The following PRAG1 variants were observed in gnomAD, a reference collection of about 807,000 sequenced individuals.
PRAG1 encodes inactive tyrosine-protein kinase PRAG1.
Under a neutral mutation model 95.6 loss-of-function variants are expected in PRAG1, and 110 were observed. The observed-to-expected ratio is 1.15, with a 90% CI of 0.99 to 1.35. The LOEUF is 1.35. PRAG1 is among the 40% of genes most tolerant of loss of function. PRAG1 has a pLI of 0.00. For synonymous variants in PRAG1, 1,052 were observed against 819.4 expected (o/e 1.28, Z -4.85); for missense variants, 2,554 against 1,864.7 (o/e 1.37, Z -6.81).
chr8:8,361,066 A>G (rs890101971), intron 3 of PRAG1, among the ~76,000 whole-genome samples: 6 of 152,200 alleles, frequency 3.9e-5, no homozygotes, highest in African/African-American at 1.4e-4. Context: ...AAAGTGATCA[A>G]TTTGATCTGA....
intron 4 of PRAG1, among the ~76,000 whole-genome samples, chr8:8,328,773 T>TGC (rs1048359242): frequency 5.3e-5 from 8 of 149,938 alleles, no homozygotes; most frequent in Admixed American, 1.3e-4. Flanking sequence ...CCTGCACGCG[T>TGC]GCGCACACAC....
chr8:8,320,252 C>A (rs755463699), intron 5 of PRAG1, among the ~76,000 whole-genome samples: 1 of 152,162 alleles, frequency 6.6e-6, no homozygotes, highest in African/African-American at 2.4e-5. Flanking sequence ...AACCAGAAAG[C>A]TCTCCAAGGA....
chr8:8,322,221 C>T (rs1798493573), intron 5 of PRAG1, among the ~76,000 whole-genome samples: 1 of 152,088 alleles, frequency 6.6e-6, no homozygotes, highest in African/African-American at 2.4e-5. Flanking sequence ...CTCTCTGTCG[C>T]CCAGGCTGGA....
chr8:8,328,799 C>A (rs1381770952), intron 4 of PRAG1, among the ~76,000 whole-genome samples: 1 of 151,580 alleles, frequency 6.6e-6, no homozygotes, highest in Non-Finnish European at 1.5e-5. Context: ...CACACACACA[C>A]AAATTACATA....
rs375434740 is a variant in PRAG1 at position 8,327,764 on chromosome 8, G to C, written c.3018C>G (p.Ala1006=). Residue 1006 remains alanine, a synonymous_variant, in exon 5 of 6, where the codon GCC becomes GCG. Transcript: ENST00000615670. ...CAGAGCAGGTGGCACAGTAATAAAT[G>C]GCATCCCCCGAGTCACAGCAGGGCT... ...CNKPCCDSGD[A]IYYCATCSED... is the part of the protein sequence containing the mutation. 78 of 1,614,190 alleles carry C rather than the reference G, an allele frequency of 4.8e-5. No individual in the cohort carries two copies. In the African/African-American group the frequency reaches 8.5e-4, roughly 18 times the overall value.
intron 1 of PRAG1, 139 bp from the exon 2 acceptor site, chr8:8,381,973 C>A (rs1459021186): frequency 8.4e-6 from 4 of 476,226 alleles, no homozygotes; most frequent in African/African-American, 3.9e-5. Context: ...TTTTGGGACC[C>A]TCGCCCATTT....
At position 8,318,099 on chromosome 8, in the gene PRAG1, G is replaced by C. The variant is rs190667766; in HGVS notation, c.*55C>G. On this transcript the variant is annotated 3_prime_UTR_variant, in exon 6 of 6. Coordinates refer to ENST00000615670, the MANE Select transcript of PRAG1 (RefSeq NM_001080826.3). This position sits in a 1 kb window ranked among gnomAD's most constrained non-coding sequence, Gnocchi z 4.2. ...GGAGACATGGGTGCTTCCAAGGCGA[G>C]ACAGGAAAGGGTTAGGCAGGGAAGG... is the stretch of plus-strand genomic sequence containing the variant. 3.3e-6 allele frequency: 5 copies of C among 1,527,842 alleles called. No individual in the cohort carries two copies. In the African/African-American group the frequency reaches 5.5e-5, roughly 17 times the overall value. 94.6% of individuals were successfully genotyped at this position (1,527,842 alleles called of 1,614,324 possible). A position where few individuals can be genotyped will look rare whatever the true frequency, so the allele number is the denominator to read the frequency against.
intron 3 of PRAG1, among the ~76,000 whole-genome samples, chr8:8,375,800 C>T (rs907154277): frequency 5.9e-5 from 9 of 152,172 alleles, no homozygotes; most frequent in African/African-American, 2.2e-4. Context: ...GTTAGGATTA[C>T]AGGCATGAGC....
chr8:8,384,608 CAAAAAA>C lies in PRAG1; in HGVS notation c.-88+1707_-88+1712del, dbSNP rs11400182. 4.7e-4 allele frequency among the ~76,000 whole-genome samples: 43 copies of C among 92,444 alleles called. No individual in the cohort carries two copies. The East Asian group carries it at 5.1e-3, about 11-fold the overall frequency. The allele number at this position is 92,444 out of a possible 152,430, so 60.6% of individuals were successfully genotyped here. A position where few individuals can be genotyped will look rare whatever the true frequency, so the allele number is the denominator to read the frequency against. The stretch of plus-strand genomic sequence containing the variant: ...AACAGAATTTACCACCGCATGCAGC[CAAAAAA>C]AAAAAAAAAAAAAAAAAACCTCTTT... On this transcript the variant is annotated intron_variant, in intron 1 of 5. Transcript: ENST00000615670.
intron 4 of PRAG1, among the ~76,000 whole-genome samples, chr8:8,328,712 C>G (rs1054900594): frequency 1.3e-5 from 2 of 152,164 alleles, no homozygotes; most frequent in Non-Finnish European, 2.9e-5. Flanking sequence ...CAGAGGAAAC[C>G]ACTGTCAGTA....
intron 5 of PRAG1, among the ~76,000 whole-genome samples, chr8:8,323,138 C>T (rs987816339): frequency 5.9e-5 from 9 of 152,196 alleles, no homozygotes; most frequent in African/African-American, 2.2e-4. Flanking sequence ...ACTGTCGCCT[C>T]ATTCCCCTTC....
At chr8:8,344,014 A>G (rs1799254046) in intron 3 of PRAG1, among the ~76,000 whole-genome samples, 1 of 152,144 alleles carries the variant, frequency 6.6e-6, no homozygotes, top group African/African-American at 2.4e-5. Flanking sequence ...AGTATAACCT[A>G]TATCAATTAT....
chr8:8,367,564 G>A (rs1001682510), intron 3 of PRAG1, among the ~76,000 whole-genome samples: 3 of 148,074 alleles, frequency 2.0e-5, no homozygotes, highest in South Asian at 4.3e-4. Context: ...CCTTTTCTTC[G>A]TGACCTTCAA....
At chr8:8,338,488 T>G (rs1196544097) in intron 4 of PRAG1, among the ~76,000 whole-genome samples, 1 of 152,178 alleles carries the variant, frequency 6.6e-6, no homozygotes, top group Non-Finnish European at 1.5e-5. Context: ...TACAATGGGC[T>G]GGGAAAAGGA....
intron 2 of PRAG1, among the ~76,000 whole-genome samples, chr8:8,380,501 A>T (rs1360154730): frequency 6.6e-6 from 1 of 152,032 alleles, no homozygotes; most frequent in Non-Finnish European, 1.5e-5. Context: ...TGGGAGGGTG[A>T]GGCAGGAGAA....
chr8:8,327,308 A>G (rs1015271911), intron 5 of PRAG1, among the ~76,000 whole-genome samples: 1 of 152,142 alleles, frequency 6.6e-6, no homozygotes, highest in Admixed American at 6.5e-5. Flanking sequence ...GGTGGCTCAC[A>G]CCTGTAATCC....
At chr8:8,371,729 G>A (rs906015632) in intron 3 of PRAG1, among the ~76,000 whole-genome samples, 2 of 152,122 alleles carry the variant, frequency 1.3e-5, no homozygotes, top group Non-Finnish European at 2.9e-5. Flanking sequence ...ATTAGCGGGG[G>A]CATGGTGGCA....
intron 2 of PRAG1, among the ~76,000 whole-genome samples, chr8:8,378,468 TTTTG>T (rs1800512451): frequency 6.6e-6 from 1 of 152,136 alleles, no homozygotes; most frequent in Admixed American, 6.5e-5. Context: ...GAGCTTGGGG[TTTTG>T]TTTAATTTTT....
intron 3 of PRAG1, among the ~76,000 whole-genome samples, chr8:8,360,920 G>T (rs1385908628): frequency 6.6e-6 from 1 of 152,154 alleles, no homozygotes; most frequent in Non-Finnish European, 1.5e-5. Flanking sequence ...TCTGCTGCCA[G>T]AATATTTTGA....
Sources: gnomAD v4.1 joint callset for allele counts (sites outside exome capture counted in the v4.1 genomes callset) on GRCh38, gnomAD v4.1.1 for gene constraint, Gnocchi (gnomAD v3.1) non-coding constraint, MANE v1.5 for transcripts, NCBI Gene and HGNC (gene_info 2026-07-23, HGNC 2026-07-21) for gene names.